KCNQ1: variants seen among roughly 807,000 people sequenced by gnomAD.
The protein encoded by KCNQ1 is potassium voltage-gated channel subfamily KQT member 1.
A neutral mutation model predicts 72.4 loss-of-function variants in KCNQ1; 49 were observed. That is an observed-to-expected ratio of 0.68 (90% CI 0.54 to 0.86). The LOEUF (loss-of-function observed/expected upper bound fraction) is 0.86. KCNQ1 is among the 40% of genes least tolerant of loss of function. KCNQ1 has a pLI of 0.00. For missense variants in KCNQ1, 790 were observed against 945.1 expected, an observed-to-expected ratio of 0.84 and a Z score of 2.15; for synonymous variants, 450 against 412.6, an observed-to-expected ratio of 1.09 and a Z score of -1.10.
rs1662613887 is a variant in KCNQ1, at chr11:2,682,342, A to C, written c.1514+20261A>C. ...TGTAACTGTGTGTTTATTTGTGGTA[A>C]AGGGTTTACTGGCTGGCTCCTTCTA... On this transcript the variant is annotated intron_variant, in intron 11 of 15. Coordinates refer to ENST00000155840, the MANE Select transcript of KCNQ1 (RefSeq NM_000218.3). This position sits in a 1 kb window ranked among gnomAD's most constrained non-coding sequence, Gnocchi z 5.8. 5.0e-6 allele frequency: 2 copies of C among 398,594 alleles called. No individual in the cohort carries two copies. The highest frequency in any genetic ancestry group is 8.8e-6 in the Non-Finnish European group (2 of 226,074). The allele number at this position is 398,594 out of a possible 1,614,324, so 24.7% of individuals were successfully genotyped here.
Position 2,715,830 on chromosome 11 carries a change from C to G in KCNQ1, c.1515-53014C>G, listed in dbSNP as rs75796184. ...CACATCCCCGCAGCCTTGCGCTGGT[C>G]TAAATGCCTCCCAGCCTCCTGAGGT... On this transcript the variant is annotated intron_variant, in intron 11 of 15. Coordinates refer to ENST00000155840, the MANE Select transcript of KCNQ1 (RefSeq NM_000218.3). This position sits in a 1 kb window ranked among gnomAD's most constrained non-coding sequence, Gnocchi z 4.9. 3.5e-4 allele frequency among the ~76,000 whole-genome samples: 54 copies of G among 152,342 alleles called. No homozygotes were observed. In the East Asian group the frequency reaches 6.6e-3, roughly 19 times the overall value.
rs543811648 is a variant in KCNQ1 at position 2,679,603 on chromosome 11, G to A, written c.1514+17522G>A. 4 of 398,588 alleles carry A rather than the reference G, an allele frequency of 1.0e-5. No individual in the cohort carries two copies. Among genetic ancestry groups the A allele is most frequent in the South Asian group, 1.3e-4 (1 of 7,852 alleles). The allele number at this position is 398,588 out of a possible 1,614,324, so 24.7% of individuals were successfully genotyped here. The stretch of plus-strand genomic sequence containing the variant: ...TGCCTGACAAAGCTGATGGGGAGGC[G>A]AGTTGGAATGAATAGTATCAGCATC... On this transcript the variant is annotated intron_variant, in intron 11 of 15. Coordinates refer to ENST00000155840, the MANE Select transcript of KCNQ1 (RefSeq NM_000218.3). The surrounding 1 kb of genome is among the most constrained non-coding windows in gnomAD (Gnocchi z 4.8).
chr11:2,620,911 A>T lies in KCNQ1; in HGVS notation c.1393+32057A>T, dbSNP rs1589986222. The T allele has an allele frequency of 7.6e-6, 3 of 394,490 alleles. No homozygotes were observed. In the East Asian group the frequency reaches 1.1e-4, roughly 14 times the overall value. 24.4% of individuals were successfully genotyped at this position (394,490 alleles called of 1,614,324 possible). On this transcript the variant is annotated intron_variant, in intron 10 of 15. Coordinates refer to ENST00000155840, the MANE Select transcript of KCNQ1 (RefSeq NM_000218.3). The surrounding 1 kb of genome is among the most constrained non-coding windows in gnomAD (Gnocchi z 4.5). ...GACTGGTGTGAGATGGCATCCCATT[A>T]TGGTTTGGTGTTTTTTTGTTGTTGT...
chr11:2,798,092 C>T (rs1205303493), intron 15 of KCNQ1, among the ~76,000 whole-genome samples: 2 of 152,174 alleles, frequency 1.3e-5, no homozygotes, highest in East Asian at 1.9e-4. Context: ...TGTCTCTCCT[C>T]AACCCTGAGA....
At position 2,691,977 on chromosome 11, in the gene KCNQ1, C is replaced by T; in HGVS notation, c.1514+29896C>T. On this transcript the variant is annotated intron_variant, in intron 11 of 15. Transcript: ENST00000155840. This position sits in a 1 kb window ranked among gnomAD's most constrained non-coding sequence, Gnocchi z 6.4. The stretch of plus-strand genomic sequence containing the variant: ...TGCCAGTGCCTTTCTCTATGCAAAC[C>T]ATTTCCCTAAGCTGTTCCCTCAGCA... The T allele has an allele frequency of 2.5e-6, 1 of 398,636 alleles. No individual in the cohort carries two copies. The highest frequency in any genetic ancestry group is 4.4e-6 in the Non-Finnish European group (1 of 226,098). The allele number at this position is 398,636 out of a possible 1,614,324, so 24.7% of individuals were successfully genotyped here.
rs1010200030 is a variant in KCNQ1 at position 2,735,433 on chromosome 11, C to T, written c.1515-33411C>T. On this transcript the variant is annotated intron_variant, in intron 11 of 15. Transcript: ENST00000155840. This position sits in a 1 kb window ranked among gnomAD's most constrained non-coding sequence, Gnocchi z 7.7. ...AGCCCAACCACTGCTTGCTCCTTCC[C>T]ACCCCTCCTAGGCCAGGGATGCCTG... Among the ~76,000 whole-genome samples the T allele has an allele frequency of 6.6e-6, 1 of 152,028 alleles. No individual in the cohort carries two copies. The highest frequency in any genetic ancestry group is 2.4e-5 in the African/African-American group (1 of 41,378).
chr11:2,693,812 A>C, intron 11 of KCNQ1: 1 of 398,848 alleles, frequency 2.5e-6, no homozygotes, highest in East Asian at 3.6e-5. Flanking sequence ...AGGCTGATAA[A>C]GGCACCGGAA....
In KCNQ1 at chr11:2,658,099, C is replaced by T; in HGVS notation, c.1394-3862C>T. 1 of 398,534 alleles carries T rather than the reference C, an allele frequency of 2.5e-6. No homozygotes were observed. Among genetic ancestry groups the T allele is most frequent in the Non-Finnish European group, 4.4e-6 (1 of 226,038 alleles). The allele number at this position is 398,534 out of a possible 1,614,324, so 24.7% of individuals were successfully genotyped here. On this transcript the variant is annotated intron_variant, in intron 10 of 15. Transcript: ENST00000155840. The surrounding 1 kb of genome is among the most constrained non-coding windows in gnomAD (Gnocchi z 4.9). Reference sequence around the variant, plus strand: ...GGGAGGGGTTCAACTCTACCTCCTGCAGGAGAGTATCAAAAAAAATCTGCA... The same window carrying T: ...GGGAGGGGTTCAACTCTACCTCCTGTAGGAGAGTATCAAAAAAAATCTGCA...
chr11:2,460,065 G>T (rs910844225), intron 1 of KCNQ1, among the ~76,000 whole-genome samples: 8 of 152,170 alleles, frequency 5.3e-5, no homozygotes, highest in African/African-American at 1.9e-4. Context: ...ACAGGCCTTG[G>T]TGTCCTGACT....
chr11:2,558,624 C>G (rs933171372), intron 2 of KCNQ1, among the ~76,000 whole-genome samples: 2 of 152,218 alleles, frequency 1.3e-5, no homozygotes, highest in Admixed American at 6.5e-5. Flanking sequence ...AAGTGGGCCG[C>G]GCTTCGGGAA....
Position 2,518,932 on chromosome 11 carries a change from G to A in KCNQ1, c.387-8996G>A, listed in dbSNP as rs151218266. 5.5e-3 allele frequency among the ~76,000 whole-genome samples: 838 copies of A among 152,364 alleles called. 9 individuals carry two copies. The highest frequency in any genetic ancestry group is 0.019 in the African/African-American group (807 of 41,590). On this transcript the variant is annotated intron_variant, in intron 1 of 15. Coordinates refer to ENST00000155840, the MANE Select transcript of KCNQ1 (RefSeq NM_000218.3). Reference sequence around the variant, plus strand: ...GTCCATTCACCCGGAGCTGGACGGGGAGGACCAGGCTGTGGGTCTGTGAAG... The same window carrying A: ...GTCCATTCACCCGGAGCTGGACGGGAAGGACCAGGCTGTGGGTCTGTGAAG...
At chr11:2,574,722 C>T (rs1848394776) in intron 6 of KCNQ1, among the ~76,000 whole-genome samples, 1 of 152,234 alleles carries the variant, frequency 6.6e-6, no homozygotes, top group Admixed American at 6.5e-5. Flanking sequence ...AGCAGTGGCT[C>T]CTGACGTAGG....
rs541862410 is a variant in KCNQ1 at position 2,574,475 on chromosome 11, C to T, written c.921+1489C>T. Among the ~76,000 whole-genome samples, 17 of 152,150 alleles carry T rather than the reference C, an allele frequency of 1.1e-4. No homozygotes were observed. The East Asian group carries it at 1.9e-3, about 17-fold the overall frequency. On this transcript the variant is annotated intron_variant, in intron 6 of 15. Transcript: ENST00000155840. ...GCCGCACGGGGGCTGGAGGTGGGGG[C>T]GGGCAGGGCAGCCGTGGGAAACACG...
chr11:2,798,093 A>C (rs933543549), intron 15 of KCNQ1, among the ~76,000 whole-genome samples: 6 of 152,040 alleles, frequency 3.9e-5, no homozygotes, highest in African/African-American at 7.2e-5. Context: ...GTCTCTCCTC[A>C]ACCCTGAGAG....
chr11:2,844,120 A>C (rs115413955), intron 15 of KCNQ1, among the ~76,000 whole-genome samples: 1 of 152,254 alleles, frequency 6.6e-6, no homozygotes, highest in African/African-American at 2.4e-5. Flanking sequence ...AAAAAAACCA[A>C]ACGTGCCAGC....
rs953392286 is a variant in KCNQ1, at chr11:2,624,279, T to C, written c.1393+35425T>C. The stretch of plus-strand genomic sequence containing the variant: ...TGTAATCAGATTGTTTGTTTTCTAA[T>C]TGTTATGTTTTTAAGGTTCTTTATA... On this transcript the variant is annotated intron_variant, in intron 10 of 15. Transcript: ENST00000155840. This position sits in a 1 kb window ranked among gnomAD's most constrained non-coding sequence, Gnocchi z 4.9. 5 of 398,488 alleles carry C rather than the reference T, an allele frequency of 1.3e-5. No individual in the cohort carries two copies. The highest frequency in any genetic ancestry group is 2.1e-5 in the African/African-American group (1 of 48,644). 24.7% of individuals were successfully genotyped at this position (398,488 alleles called of 1,614,324 possible).
At chr11:2,804,970 A>G (rs1329164898) in intron 15 of KCNQ1, among the ~76,000 whole-genome samples, 5 of 152,216 alleles carry the variant, frequency 3.3e-5, no homozygotes, top group African/African-American at 9.6e-5. Context: ...GTCAGATACA[A>G]TGCTGACAGG....
chr11:2,478,636 G>A lies in KCNQ1; in HGVS notation c.386+33152G>A, dbSNP rs141597731. On this transcript the variant is annotated intron_variant, in intron 1 of 15. Coordinates refer to ENST00000155840, the MANE Select transcript of KCNQ1 (RefSeq NM_000218.3). This position sits in a 1 kb window ranked among gnomAD's most constrained non-coding sequence, Gnocchi z 4.0. ...CCACGAGGTCCCTCCCATGACACGT[G>A]GGAATTATGGGAGCTACAATTCACG... 0.017 allele frequency among the ~76,000 whole-genome samples: 2,609 copies of A among 152,204 alleles called. 80 individuals carry two copies. The highest frequency in any genetic ancestry group is 0.06 in the African/African-American group (2,488 of 41,510).
Position 2,473,674 on chromosome 11 carries a change from G to A in KCNQ1, c.386+28190G>A, listed in dbSNP as rs963973296. ...CTCAGTTGGCCTGGCCTGGCGCGGG[G>A]CTGCCAGCCAAGAGCCTTCCTCCAT... On this transcript the variant is annotated intron_variant, in intron 1 of 15. Transcript: ENST00000155840. The surrounding 1 kb of genome is among the most constrained non-coding windows in gnomAD (Gnocchi z 6.0). Among the ~76,000 whole-genome samples, 1 of 152,238 alleles carries A rather than the reference G, an allele frequency of 6.6e-6. No individual in the cohort carries two copies. The highest frequency in any genetic ancestry group is 1.5e-5 in the Non-Finnish European group (1 of 68,026).
Sources: gnomAD v4.1 joint callset for allele counts (sites outside exome capture counted in the v4.1 genomes callset) on GRCh38, gnomAD v4.1.1 for gene constraint, Gnocchi (gnomAD v3.1) non-coding constraint, MANE v1.5 for transcripts, NCBI Gene and HGNC (gene_info 2026-07-23, HGNC 2026-07-21) for gene names.